Variants in ZNF782 observed in about 807,000 individuals in gnomAD.
ZNF782 encodes the protein zinc finger protein 782.
In ZNF782, 12 loss-of-function variants were observed where a neutral mutation model predicts 13.0. That is an observed-to-expected ratio of 0.92 (90% CI 0.59 to 1.50). ZNF782 has a LOEUF of 1.50. Among genes scored for constraint, ZNF782 ranks in the 40% most tolerant of loss-of-function variants. The pLI is 0.00. For synonymous variants in ZNF782, 284 were observed against 283.0 expected (o/e 1.00, Z -0.04); for missense variants, 770 against 822.9 (o/e 0.94, Z 0.79).
intron 5 of ZNF782, among the ~76,000 whole-genome samples, chr9:96,826,325 C>CT (rs1488211687): frequency 6.6e-6 from 1 of 151,542 alleles, no homozygotes; most frequent in Non-Finnish European, 1.5e-5. Context: ...CGCATATTCT[C>CT]ACTCATAGGT....
chr9:96,838,461 T>G (rs1438426388), intron 4 of ZNF782, among the ~76,000 whole-genome samples: 1 of 152,222 alleles, frequency 6.6e-6, no homozygotes, highest in Non-Finnish European at 1.5e-5. Context: ...AGAGCGGTGT[T>G]TAAATCTCCC....
chr9:96,933,213 G>C, the ZNF782 span, among the ~76,000 whole-genome samples: 1 of 150,356 alleles, frequency 6.7e-6, no homozygotes, highest in Non-Finnish European at 1.5e-5. Flanking sequence ...CTCCTGCCCT[G>C]GTGATTCTCC....
the ZNF782 span, chr9:96,887,286 A>AAAGAAAGAAAGG: frequency 4.8e-4 from 58 of 121,930 alleles, no homozygotes; most frequent in South Asian, 2.4e-3. Context: ...TGCAAAAAAG[A>AAAGAAAGAAAGG]AAGGAAGGAA....
At position 96,852,856 on chromosome 9, in the gene ZNF782, TG is replaced by T. The variant is rs1227255468; in HGVS notation, c.-49del. On this transcript the variant is annotated 5_prime_UTR_variant, in exon 2 of 6. It introduces an in-frame stop codon into an upstream open reading frame of the 5' UTR. Transcript: ENST00000481138. ...TAAGATGCTTTTGGTGACTCACCTG[TG>T]AAAGAATGAACGGAACTGTTTTCCT... 3 of 152,650 alleles carry T rather than the reference TG, an allele frequency of 2.0e-5. No individual in the cohort carries two copies. Among genetic ancestry groups the T allele is most frequent in the Non-Finnish European group, 4.4e-5 (3 of 68,052 alleles). 9.5% of individuals were successfully genotyped at this position (152,650 alleles called of 1,614,324 possible).
In ZNF782 at chr9:96,864,492, T is replaced by C. The variant is rs540692922; in HGVS notation, c.-456-2889A>G. On this transcript the variant is annotated intron_variant, in intron 1 of 5. Transcript: ENST00000498811. ...AAATTAATGCTGGAAGGAGATTTAG[T>C]CAGGTTTTCAGTTAAACAAATGAGA... is the stretch of plus-strand genomic sequence containing the variant. Among the ~76,000 whole-genome samples, 5 of 152,254 alleles carry C rather than the reference T, an allele frequency of 3.3e-5. No homozygotes were observed. In the South Asian group the frequency reaches 1.0e-3, roughly 32 times the overall value.
upstream of ZNF782, among the ~76,000 whole-genome samples, chr9:96,877,401 C>T (rs1851906805): frequency 1.3e-5 from 2 of 152,348 alleles, no homozygotes; most frequent in South Asian, 4.1e-4. Context: ...GGCGGGGCAC[C>T]CAGGAGCCCG....
At chr9:96,913,002 C>T in the ZNF782 span, among the ~76,000 whole-genome samples, 1 of 151,748 alleles carries the variant, frequency 6.6e-6, no homozygotes, top group African/African-American at 2.4e-5. Flanking sequence ...TCAAAAATAT[C>T]AAGGTTATTG....
intron 5 of ZNF782, among the ~76,000 whole-genome samples, chr9:96,822,820 T>C (rs933149411): frequency 3.9e-5 from 6 of 152,222 alleles, no homozygotes; most frequent in Admixed American, 2.6e-4. Flanking sequence ...TTGATTTTCA[T>C]TTACTCTTTG....
At chr9:96,903,556 GTTTTTTTTT>G in the ZNF782 span, among the ~76,000 whole-genome samples, 2 of 75,462 alleles carry the variant, frequency 2.7e-5, no homozygotes, top group Non-Finnish European at 4.4e-5. Context: ...TTTTATGTTG[GTTTTTTTTT>G]TTTTTTTTTT....
the ZNF782 span, among the ~76,000 whole-genome samples, chr9:96,925,851 C>T: frequency 2.0e-5 from 3 of 148,718 alleles, no homozygotes; most frequent in African/African-American, 5.1e-5. Context: ...AGCCGCCATT[C>T]CTCTACTGTT....
chr9:96,923,489 AAC>A, the ZNF782 span, among the ~76,000 whole-genome samples: 5 of 134,174 alleles, frequency 3.7e-5, no homozygotes, highest in Admixed American at 3.8e-4. Context: ...CGTGAAAAGA[AAC>A]ACACACAATG....
chr9:96,846,563 G>A (rs905045852), intron 3 of ZNF782, among the ~76,000 whole-genome samples: 3 of 151,744 alleles, frequency 2.0e-5, no homozygotes, highest in African/African-American at 7.3e-5. Context: ...CAGACAAAAC[G>A]GACTTCAAAG....
chr9:96,886,575 G>A, the ZNF782 span, among the ~76,000 whole-genome samples: 138,266 of 152,242 alleles, frequency 0.91, 63,059 homozygotes, highest in East Asian at 0.99. Context: ...TTACATATGT[G>A]TATTGTTATA....
In ZNF782 at chr9:96,850,492, AG is replaced by A. The variant is rs1362218316; in HGVS notation, c.15+1454del. Among the ~76,000 whole-genome samples, 1 of 152,152 alleles carries A rather than the reference AG, an allele frequency of 6.6e-6. No individual in the cohort carries two copies. Among genetic ancestry groups the A allele is most frequent in the East Asian group, 1.9e-4 (1 of 5,174 alleles). ...GTGACATAATGGACTTTAGAGACCA[AG>A]AAGGGGAGGGTGGGAGGCTAGGGAA... On this transcript the variant is annotated intron_variant, in intron 3 of 5. Transcript: ENST00000481138. This position sits in a 1 kb window ranked among gnomAD's most constrained non-coding sequence, Gnocchi z 4.3.
At position 96,819,263 on chromosome 9, in the gene ZNF782, C is replaced by A. The variant is rs370068761; in HGVS notation, c.760G>T (p.Asp254Tyr). 4.3e-6 allele frequency: 7 copies of A among 1,613,098 alleles called. No homozygotes were observed. In the African/African-American group the frequency reaches 9.3e-5, roughly 22 times the overall value. Reference sequence around the variant, plus strand: ...TGAGGAATAATAAAGGTTGATTTATCATATTTGTTTTCCCCAAATTTATTG... The same window carrying A: ...TGAGGAATAATAAAGGTTGATTTATAATATTTGTTTTCCCCAAATTTATTG... ...NFNKFGENKY[D>Y]KSTFIIPQNM... is the part of the protein sequence containing the mutation. The change falls in exon 6 of 6, where the codon GAT (aspartate) becomes TAT (tyrosine). Residue 254 changes from aspartate to tyrosine, a missense_variant. By Grantham distance (160) the Asp-to-Tyr change is radical (BLOSUM62 -3). Coordinates refer to ENST00000481138, the MANE Select transcript of ZNF782 (RefSeq NM_001001662.3).
At chr9:96,884,859 A>G in the ZNF782 span, among the ~76,000 whole-genome samples, 2 of 152,170 alleles carry the variant, frequency 1.3e-5, no homozygotes, top group African/African-American at 4.8e-5. Context: ...AATATAGAAA[A>G]TATCTGGGAT....
the ZNF782 span, among the ~76,000 whole-genome samples, chr9:96,896,454 G>T: frequency 3.3e-5 from 5 of 152,280 alleles, no homozygotes; most frequent in African/African-American, 1.2e-4. Flanking sequence ...TAAGACATTT[G>T]CATGTCAGAG....
upstream of ZNF782, among the ~76,000 whole-genome samples, chr9:96,856,304 A>G (rs1318126216): frequency 6.6e-6 from 1 of 152,214 alleles, no homozygotes; most frequent in Non-Finnish European, 1.5e-5. Flanking sequence ...AACTCTTTAA[A>G]TCAAAACAAA....
intron 3 of ZNF782, among the ~76,000 whole-genome samples, chr9:96,849,049 G>C (rs1018527941): frequency 6.6e-6 from 1 of 152,066 alleles, no homozygotes; most frequent in East Asian, 1.9e-4. Flanking sequence ...ACTGATCTTC[G>C]ACAAAGCATA....
Sources: allele counts gnomAD v4.1 joint callset (sites outside exome capture counted in the v4.1 genomes callset), GRCh38; gene constraint gnomAD v4.1.1; non-coding constraint Gnocchi (gnomAD v3.1); transcripts MANE v1.5; gene names NCBI Gene and HGNC (gene_info 2026-07-23, HGNC 2026-07-21).